The following NMU variants were observed in gnomAD, a reference collection of about 807,000 sequenced individuals.
NMU encodes the protein neuromedin U.
In NMU, 29 loss-of-function variants were observed where a neutral mutation model predicts 35.4. That is an observed-to-expected ratio of 0.82 (90% confidence interval 0.61 to 1.12). NMU has a LOEUF of 1.12. NMU is among the 50% of genes most tolerant of loss of function. The pLI, the probability that NMU is intolerant of heterozygous loss-of-function variation, is 0.00. For missense variants in NMU, 199 were observed against 206.2 expected (o/e 0.97, Z 0.21); for synonymous variants, 78 against 81.3 (o/e 0.96, Z 0.22).
chr4:55,608,945 G>A (rs974050965), intron 4 of NMU, among the ~76,000 whole-genome samples, 175 bp downstream of exon 4: 1 of 152,158 alleles, frequency 6.6e-6, no homozygotes, highest in Non-Finnish European at 1.5e-5. Flanking sequence ...CCATTAATAT[G>A]ATGCTCAATT....
chr4:55,610,024 A>C (rs752089659), intron 3 of NMU, among the ~76,000 whole-genome samples: 2 of 152,170 alleles, frequency 1.3e-5, no homozygotes, highest in African/African-American at 2.4e-5. Context: ...GTGTAACCTT[A>C]GGCTGGTTAC....
At chr4:55,617,100 TG>T (rs1734137517) in intron 2 of NMU, among the ~76,000 whole-genome samples, 1 of 152,166 alleles carries the variant, frequency 6.6e-6, no homozygotes, top group African/African-American at 2.4e-5. Context: ...AAAATGGAAC[TG>T]GAAAAAAATG....
In NMU at chr4:55,600,576, C is replaced by T. The variant is rs1733385084; in HGVS notation, c.436-1G>A. ...TTGCAAAGGGACTTTGGAATTCTTCCTAGAAGAGAAAATGAGGGCATTACA... is the reference window on the plus strand; with the variant it reads ...TTGCAAAGGGACTTTGGAATTCTTCTTAGAAGAGAAAATGAGGGCATTACA... On this transcript the variant is annotated splice_acceptor_variant, in intron 7 of 9. Transcript: ENST00000264218. LOFTEE classifies it high-confidence loss of function. 1 of 1,606,268 alleles carries T rather than the reference C, an allele frequency of 6.2e-7. No individual in the cohort carries two copies. Among genetic ancestry groups the T allele is most frequent in the Non-Finnish European group, 8.5e-7 (1 of 1,173,384 alleles).
chr4:55,613,794 G>A (rs1419593669), intron 3 of NMU, among the ~76,000 whole-genome samples: 1 of 152,094 alleles, frequency 6.6e-6, no homozygotes, highest in Non-Finnish European at 1.5e-5. Flanking sequence ...CAGCAACCAT[G>A]TGAAAAAGCT....
chr4:55,612,878 T>A lies in NMU; in HGVS notation c.219+3460A>T, dbSNP rs976484780. Among the ~76,000 whole-genome samples, 11 of 152,296 alleles carry A rather than the reference T, an allele frequency of 7.2e-5. No individual in the cohort carries two copies. The South Asian group carries it at 1.9e-3, about 26-fold the overall frequency. Reference sequence around the variant, plus strand: ...TCAAAGCAATGGTCATGTAATCACATAAATAATAAGATAATAGTATATGTG... The same window carrying A: ...TCAAAGCAATGGTCATGTAATCACAAAAATAATAAGATAATAGTATATGTG... On this transcript the variant is annotated intron_variant, in intron 3 of 9. Transcript: ENST00000264218.
chr4:55,603,186 ATT>A (rs1733494004), intron 7 of NMU, among the ~76,000 whole-genome samples: 3 of 151,548 alleles, frequency 2.0e-5, no homozygotes, highest in Admixed American at 6.6e-5. Flanking sequence ...TTGTTTTTGT[ATT>A]TTTAGTAGAG....
At chr4:55,610,681 T>A (rs1309250019) in intron 3 of NMU, among the ~76,000 whole-genome samples, 1 of 152,192 alleles carries the variant, frequency 6.6e-6, no homozygotes, top group Non-Finnish European at 1.5e-5. Flanking sequence ...ATTCTTGGGA[T>A]ATTTATTAAT....
intron 7 of NMU, among the ~76,000 whole-genome samples, chr4:55,604,618 A>G (rs545714118): frequency 7.6e-6 from 1 of 131,400 alleles, no homozygotes; most frequent in Non-Finnish European, 1.6e-5. Context: ...GGTTCAAGCG[A>G]TTCTTGTGCC....
upstream of NMU, chr4:55,636,448 G>A: frequency 2.2e-6 from 1 of 447,706 alleles, no homozygotes; most frequent in Non-Finnish European, 3.8e-6. The surrounding 1 kb of genome is among the most constrained non-coding windows in gnomAD (Gnocchi z 4.0). Flanking sequence ...CCCTGCAGCA[G>A]GACCCGAGCC....
chr4:55,629,732 G>C (rs149292518), intron 2 of NMU, among the ~76,000 whole-genome samples: 5 of 151,168 alleles, frequency 3.3e-5, no homozygotes, highest in African/African-American at 1.2e-4. Flanking sequence ...TGATTATGTC[G>C]TTGTTATAGC....
chr4:55,635,543 G>A (rs1469645980), intron 1 of NMU, among the ~76,000 whole-genome samples: 1 of 152,152 alleles, frequency 6.6e-6, no homozygotes, highest in African/African-American at 2.4e-5. Flanking sequence ...TCCCTTCTAA[G>A]CGGTTAGCGT....
intron 3 of NMU, among the ~76,000 whole-genome samples, chr4:55,615,784 C>T (rs1237446288): frequency 2.0e-5 from 3 of 152,096 alleles, no homozygotes; most frequent in African/African-American, 7.2e-5. Flanking sequence ...TCCCTCCTCC[C>T]ACCTCCACCC....
At chr4:55,635,934 A>T in intron 1 of NMU, 147 bp downstream of exon 1, 1 of 1,416,436 alleles carries the variant, frequency 7.1e-7, no homozygotes, top group Non-Finnish European at 9.6e-7. Context: ...TGTGCCTGGG[A>T]GGCGGGAAAC....
intron 6 of NMU, among the ~76,000 whole-genome samples, chr4:55,605,801 A>T (rs548066237): frequency 3.9e-5 from 6 of 152,362 alleles, no homozygotes; most frequent in Admixed American, 1.3e-4. Context: ...AACCTCCTTT[A>T]TAAATTATAT....
At position 55,600,793 on chromosome 4, in the gene NMU, A is replaced by T. The variant is rs531649853; in HGVS notation, c.436-218T>A. 1.9e-4 allele frequency among the ~76,000 whole-genome samples: 29 copies of T among 152,280 alleles called. No homozygotes were observed. In the East Asian group the frequency reaches 5.6e-3, roughly 29 times the overall value. The stretch of plus-strand genomic sequence containing the variant: ...TATATTTAAAAATAATTTCCTTGTC[A>T]GTGTGACAGATTTGCCTTTCAGGAA... On this transcript the variant is annotated intron_variant, in intron 7 of 9. Transcript: ENST00000264218.
At chr4:55,632,098 G>A (rs1734776590) in intron 1 of NMU, among the ~76,000 whole-genome samples, 1 of 152,154 alleles carries the variant, frequency 6.6e-6, no homozygotes, top group South Asian at 2.1e-4. Flanking sequence ...ATAAGTGGGA[G>A]CTAAGCTATG....
intron 3 of NMU, among the ~76,000 whole-genome samples, chr4:55,610,319 C>T (rs1457630181): frequency 5.3e-5 from 8 of 151,922 alleles, no homozygotes; most frequent in African/African-American, 1.2e-4. Flanking sequence ...AAAAATTAGC[C>T]GGGCATGTTA....
chr4:55,632,972 A>G (rs1577966681), intron 1 of NMU, among the ~76,000 whole-genome samples: 2 of 57,666 alleles, frequency 3.5e-5, no homozygotes, highest in African/African-American at 6.9e-5. Context: ...TCACTGTGGA[A>G]AAAAAAAAAA....
intron 2 of NMU, among the ~76,000 whole-genome samples, chr4:55,629,491 C>T (rs940928062): frequency 2.0e-5 from 3 of 151,436 alleles, no homozygotes; most frequent in Non-Finnish European, 4.4e-5. Context: ...TGATGGTGTG[C>T]GCCTGTACTC....
Sources: allele counts gnomAD v4.1 joint callset (sites outside exome capture counted in the v4.1 genomes callset), GRCh38; gene constraint gnomAD v4.1.1; non-coding constraint Gnocchi (gnomAD v3.1); transcripts MANE v1.5; gene names NCBI Gene and HGNC (gene_info 2026-07-23, HGNC 2026-07-21).